Variants in VWA8 observed in about 807,000 individuals in gnomAD.
The protein encoded by VWA8 is von Willebrand factor A domain containing 8, also known as von Willebrand factor A domain-containing protein 8.
In VWA8, 221 loss-of-function variants were observed where a neutral mutation model predicts 241.5. The ratio of observed to expected loss-of-function variants is 0.91; its 90% CI spans 0.82 to 1.02. The LOEUF is 1.02. Ranked by LOEUF, VWA8 falls within the 50% of genes least tolerant of loss-of-function variation. VWA8 has a pLI of 0.00. For synonymous variants in VWA8, 852 were observed against 827.1 expected, an observed-to-expected ratio of 1.03 and a Z score of -0.52; for missense variants, 2,322 against 2,328.7, an observed-to-expected ratio of 1.00 and a Z score of 0.06.
chr13:41,747,969 G>A (rs1405493541), intron 21 of VWA8, among the ~76,000 whole-genome samples: 1 of 152,168 alleles, frequency 6.6e-6, no homozygotes, highest in African/African-American at 2.4e-5. Flanking sequence ...TGGTGGATAA[G>A]CTTTTTGATG....
chr13:41,787,857 T>C (rs1016488899), intron 17 of VWA8, among the ~76,000 whole-genome samples: 4 of 152,164 alleles, frequency 2.6e-5, no homozygotes, highest in African/African-American at 9.6e-5. Flanking sequence ...ACAATTAGTA[T>C]ACTGGCTTAT....
intron 1 of VWA8, among the ~76,000 whole-genome samples, chr13:41,953,410 T>C (rs1022165235): frequency 6.6e-6 from 1 of 152,242 alleles, no homozygotes; most frequent in Admixed American, 6.5e-5. Flanking sequence ...TTTTTAGTAT[T>C]GTAATTGGTT....
chr13:41,824,628 G>A (rs1031677999), intron 14 of VWA8, among the ~76,000 whole-genome samples: 14 of 151,970 alleles, frequency 9.2e-5, no homozygotes, highest in Admixed American at 8.5e-4. Flanking sequence ...AGGAGTTCAA[G>A]AGCAGCCTGG....
At chr13:41,764,574 C>A (rs1162155861) in intron 20 of VWA8, among the ~76,000 whole-genome samples, 1 of 152,036 alleles carries the variant, frequency 6.6e-6, no homozygotes, top group Non-Finnish European at 1.5e-5. Context: ...AGGCCGACTG[C>A]ACAGTTATGT....
intron 34 of VWA8, among the ~76,000 whole-genome samples, chr13:41,687,663 A>C (rs2045145917): frequency 6.6e-6 from 1 of 152,128 alleles, no homozygotes; most frequent in South Asian, 2.1e-4. Flanking sequence ...GAATTGTTGT[A>C]AAAATTAACT....
At chr13:41,651,592 G>C (rs1459586040) in intron 37 of VWA8, among the ~76,000 whole-genome samples, 2 of 152,192 alleles carry the variant, frequency 1.3e-5, no homozygotes, top group Non-Finnish European at 2.9e-5. Flanking sequence ...ATACATAAAT[G>C]AATGAGTGTA....
chr13:41,619,446 T>C (rs182931744), intron 37 of VWA8, among the ~76,000 whole-genome samples: 5 of 152,234 alleles, frequency 3.3e-5, no homozygotes, highest in Non-Finnish European at 7.3e-5. Flanking sequence ...CTTTTCCTGA[T>C]TGAATACCCT....
chr13:41,664,299 T>A (rs2044972081), intron 37 of VWA8, among the ~76,000 whole-genome samples: 2 of 152,030 alleles, frequency 1.3e-5, no homozygotes, highest in African/African-American at 4.8e-5. Context: ...CACTTTTATA[T>A]GACCTGTTCC....
intron 2 of VWA8, among the ~76,000 whole-genome samples, chr13:41,913,283 G>T (rs1173437550): frequency 1.3e-5 from 2 of 152,170 alleles, no homozygotes; most frequent in African/African-American, 4.8e-5. Context: ...CTGGATACCT[G>T]GGGGTAAGGA....
intron 21 of VWA8, among the ~76,000 whole-genome samples, chr13:41,742,826 A>G (rs1659590234): frequency 6.6e-6 from 1 of 152,206 alleles, no homozygotes. Context: ...GTAGTTCAAC[A>G]TGCATTTTTC....
intron 2 of VWA8, 104 bp downstream of exon 2, chr13:41,949,832 A>C (rs1593891983): frequency 1.7e-6 from 1 of 574,126 alleles, no homozygotes; most frequent in Non-Finnish European, 2.8e-6. Context: ...TGGATGATAA[A>C]ATCATTAGGT....
chr13:41,755,099 C>T (rs1178145713), intron 21 of VWA8, among the ~76,000 whole-genome samples: 1 of 151,854 alleles, frequency 6.6e-6, no homozygotes. Flanking sequence ...TTCAATATAC[C>T]GATTTTCTTT....
rs1276003014 is a variant in VWA8, at chr13:41,701,751, T to A, written c.3226-221A>T. ...GTGCTATCTTATTTAATTTCTCATT[T>A]TTTCTTTTTACTCACAAAATATACC... On this transcript the variant is annotated intron_variant, in intron 27 of 44. Transcript: ENST00000379310. Among the ~76,000 whole-genome samples, 3 of 152,262 alleles carry A rather than the reference T, an allele frequency of 2.0e-5. No homozygotes were observed. The South Asian group carries it at 6.2e-4, about 31-fold the overall frequency.
At position 41,860,784 on chromosome 13, in the gene VWA8, C is replaced by T. The variant is rs569241969; in HGVS notation, c.1425+4952G>A. On this transcript the variant is annotated intron_variant, in intron 12 of 44. Transcript: ENST00000379310. ...ATCTGAATTATTAGATATACACATA[C>T]TCTTTTGTTTGGTTAGTCTTTTAAA... Among the ~76,000 whole-genome samples, 16 of 152,166 alleles carry T rather than the reference C, an allele frequency of 1.1e-4. No homozygotes were observed. The South Asian group carries it at 2.1e-3, about 20-fold the overall frequency.
chr13:41,789,900 A>C (rs1022509608), intron 17 of VWA8, among the ~76,000 whole-genome samples: 2 of 152,172 alleles, frequency 1.3e-5, no homozygotes, highest in Non-Finnish European at 2.9e-5. Flanking sequence ...CCTATTTATA[A>C]ATTTAATTGA....
At chr13:41,788,688 GA>G (rs1351501639) in intron 17 of VWA8, among the ~76,000 whole-genome samples, 4 of 152,010 alleles carry the variant, frequency 2.6e-5, no homozygotes, top group Admixed American at 2.6e-4. Flanking sequence ...CCTGTTTCCT[GA>G]GCCCTTGTCT....
At chr13:41,670,630 C>G (rs139522590) in intron 37 of VWA8, among the ~76,000 whole-genome samples, 2 of 152,180 alleles carry the variant, frequency 1.3e-5, no homozygotes, top group South Asian at 2.1e-4. Flanking sequence ...AAAGTGAGAA[C>G]AGATGCAAAG....
At position 41,908,648 on chromosome 13, in the gene VWA8, C is replaced by A. The variant is rs572654892; in HGVS notation, c.373-952G>T. On this transcript the variant is annotated intron_variant, in intron 3 of 44. Transcript: ENST00000379310. ...AACAGAAAGAGGACAAAAAAATAAT[C>A]AAAAAAATCATGAGATTTGAAGAGG... is the stretch of plus-strand genomic sequence containing the variant. 9.2e-5 allele frequency among the ~76,000 whole-genome samples: 14 copies of A among 152,074 alleles called. 1 individual carries two copies. In the East Asian group the frequency reaches 2.7e-3, roughly 29 times the overall value.
At chr13:41,959,493 CA>C (rs59960898) in intron 1 of VWA8, among the ~76,000 whole-genome samples, 129 of 76,448 alleles carry the variant, frequency 1.7e-3, no homozygotes, top group Middle Eastern at 7.2e-3. Context: ...TGAGAAAAAG[CA>C]AAAAAAAAAA....
Sources: gnomAD v4.1 joint callset for allele counts (sites outside exome capture counted in the v4.1 genomes callset) on GRCh38, gnomAD v4.1.1 for gene constraint, MANE v1.5 for transcripts, NCBI Gene and HGNC (gene_info 2026-07-23, HGNC 2026-07-21) for gene names.